GEMIN5: variants seen among roughly 807,000 people sequenced by gnomAD.
GEMIN5 encodes gem nuclear organelle associated protein 5.
GEMIN5 carries 124 observed loss-of-function variants against 176.9 expected under a neutral mutation model. The ratio of observed to expected loss-of-function variants is 0.70; its 90% CI spans 0.61 to 0.81. The LOEUF is 0.81. Ranked by LOEUF, GEMIN5 falls within the 40% of genes least tolerant of loss-of-function variation. The pLI, the probability that GEMIN5 is intolerant of heterozygous loss-of-function variation, is 0.00. For missense variants in GEMIN5, 1,843 were observed against 1,814.6 expected (o/e 1.02, Z -0.28); for synonymous variants, 673 against 665.2 (o/e 1.01, Z -0.18).
chr5:154,895,937 T>C (rs116577037), intron 24 of GEMIN5, among the ~76,000 whole-genome samples, 155 bp downstream of exon 24: 2,792 of 152,296 alleles, frequency 0.018, 63 homozygotes, highest in African/African-American at 0.063. Context: ...GGGCTTTGAT[T>C]AGTCTAAAGG....
intron 7 of GEMIN5, 101 bp downstream of exon 7, chr5:154,927,284 T>C (rs1764060984): frequency 6.1e-6 from 4 of 652,706 alleles, no homozygotes; most frequent in Admixed American, 4.8e-5. Flanking sequence ...GAGTCAGGGG[T>C]GGAGTATTAC....
chr5:154,896,265 A>G lies in GEMIN5; in HGVS notation c.3424T>C (p.Ser1142Pro). 1 of 1,613,444 alleles carries G rather than the reference A, an allele frequency of 6.2e-7. No homozygotes were observed. The highest frequency in any genetic ancestry group is 8.5e-7 in the Non-Finnish European group (1 of 1,179,774). ...EEKQLSEGKS[S>P]SSYHTWNTGT... The stretch of plus-strand genomic sequence containing the variant: ...GTGTTCCAAGTGTGGTAAGAGGAGG[A>G]GCTTTTGCCCTCTGAAAGCTGCTTT... Residue 1142 changes from serine to proline, a missense_variant, in exon 24 of 28, where the codon TCC becomes CCC. Coordinates refer to ENST00000285873, the MANE Select transcript of GEMIN5 (RefSeq NM_015465.5).
chr5:154,913,210 T>C (rs975361430), intron 13 of GEMIN5, among the ~76,000 whole-genome samples, 172 bp from the exon 14 acceptor site: 3 of 152,060 alleles, frequency 2.0e-5, no homozygotes, highest in African/African-American at 7.2e-5. Flanking sequence ...TGGAGTGCAA[T>C]GGCGCAATGC....
At chr5:154,918,082 C>T in intron 11 of GEMIN5, 78 bp from the exon 12 acceptor site, 2 of 881,820 alleles carry the variant, frequency 2.3e-6, no homozygotes, top group Non-Finnish European at 3.7e-6. Context: ...AAAAAAAATC[C>T]CTAGAGTTTA....
chr5:154,936,831 G>A (rs1446356860), intron 2 of GEMIN5, among the ~76,000 whole-genome samples, 194 bp downstream of exon 2: 1 of 152,220 alleles, frequency 6.6e-6, no homozygotes, highest in Non-Finnish European at 1.5e-5. Flanking sequence ...GCACAGAGCA[G>A]TTTGCCAACC....
chr5:154,909,299 C>G (rs921524663), intron 15 of GEMIN5, among the ~76,000 whole-genome samples: 1 of 151,810 alleles, frequency 6.6e-6, no homozygotes, highest in African/African-American at 2.4e-5. Flanking sequence ...CAGGATTTCA[C>G]TCTACATTCT....
intron 21 of GEMIN5, among the ~76,000 whole-genome samples, chr5:154,900,174 G>A (rs963732018): frequency 2.0e-5 from 3 of 152,214 alleles, no homozygotes; most frequent in African/African-American, 4.8e-5. Flanking sequence ...GATGGTGATA[G>A]TAAGGAATGT....
At position 154,935,991 on chromosome 5, in the gene GEMIN5, CGAG is replaced by C. The variant is rs752809559; in HGVS notation, c.356_358del (p.Pro119del). ...CCCAGATACTATTAAGTCCTTTACT[CGAG>C]GAGACCAATGTAATGTTGATATCGT... On this transcript the variant is annotated inframe_deletion, in exon 3 of 28. Transcript: ENST00000285873. The C allele has an allele frequency of 6.2e-7, 1 of 1,610,334 alleles. No individual in the cohort carries two copies. The highest frequency in any genetic ancestry group is 1.1e-5 in the South Asian group (1 of 90,650).
At position 154,902,648 on chromosome 5, in the gene GEMIN5, AG is replaced by A. The variant is rs1432166968; in HGVS notation, c.2756del (p.Pro919LeufsTer27). The A allele has an allele frequency of 2.5e-6, 4 of 1,613,924 alleles. No individual in the cohort carries two copies. The highest frequency in any genetic ancestry group is 3.4e-6 in the Non-Finnish European group (4 of 1,179,900). On this transcript the variant is annotated frameshift_variant, in exon 20 of 28. Coordinates refer to ENST00000285873, the MANE Select transcript of GEMIN5 (RefSeq NM_015465.5). LOFTEE classifies it high-confidence loss of function. Reference protein sequence around the residue: ...EGKGHLENGHPELFHQLMLWK... With the variant: ...EGKGHLENGHXELFHQLMLWK... The stretch of plus-strand genomic sequence containing the variant: ...AAAGCATAAGCTGGTGAAATAACTC[AG>A]GGTGGCCATTTTCTAAGTGACCTTT...
intron 4 of GEMIN5, among the ~76,000 whole-genome samples, chr5:154,931,882 G>A (rs1266223839): frequency 2.6e-5 from 4 of 152,138 alleles, no homozygotes; most frequent in Non-Finnish European, 5.9e-5. Flanking sequence ...GCGTGGTGGC[G>A]CATGCCTGTA....
chr5:154,922,091 T>C (rs1316938510), intron 9 of GEMIN5, among the ~76,000 whole-genome samples: 1 of 152,258 alleles, frequency 6.6e-6, no homozygotes, highest in Non-Finnish European at 1.5e-5. Flanking sequence ...TAGTGATCAA[T>C]CTAGAGAATA....
intron 13 of GEMIN5, 84 bp from the exon 14 acceptor site, chr5:154,913,122 G>T: frequency 1.7e-6 from 2 of 1,160,444 alleles, no homozygotes; most frequent in Non-Finnish European, 2.4e-6. Flanking sequence ...GCATTCACAT[G>T]ACAAGAATCA....
intron 9 of GEMIN5, among the ~76,000 whole-genome samples, chr5:154,922,765 C>T (rs1202667011): frequency 2.2e-5 from 3 of 135,810 alleles, no homozygotes; most frequent in South Asian, 2.6e-4. Context: ...GGCACGATCT[C>T]GGCTCACCGC....
chr5:154,911,687 G>C (rs374610812), intron 15 of GEMIN5, 40 bp downstream of exon 15: 2 of 1,533,380 alleles, frequency 1.3e-6, no homozygotes, highest in African/African-American at 2.7e-5. Flanking sequence ...TATTAAGAAA[G>C]GGAGAAAAAG....
At position 154,902,558 on chromosome 5, in the gene GEMIN5, A is replaced by C; in HGVS notation, c.2847T>G (p.Leu949=). The part of the protein sequence containing the change: ...AAERGELTDN[L]VAMAPAAGYH... ...CCATACCTGCTGGTGCCATAGCCAC[A>C]AGGTTGTCTGTCAGCTCCCCTCTTT... Residue 949 remains leucine (L), a synonymous_variant, in exon 20 of 28, where the codon CTT becomes CTG. Coordinates refer to ENST00000285873, the MANE Select transcript of GEMIN5 (RefSeq NM_015465.5). 1 of 1,614,122 alleles carries C rather than the reference A, an allele frequency of 6.2e-7. No individual in the cohort carries two copies.
chr5:154,912,029 T>C (rs1017179758), intron 14 of GEMIN5, 131 bp from the exon 15 acceptor site: 7 of 800,320 alleles, frequency 8.7e-6, no homozygotes, highest in South Asian at 1.9e-5. Flanking sequence ...TCAGGTGATT[T>C]AGAGTTTTCT....
At chr5:154,936,088 C>T in intron 2 of GEMIN5, 66 bp from the exon 3 acceptor site, 1 of 986,536 alleles carries the variant, frequency 1.0e-6, no homozygotes, top group Non-Finnish European at 1.5e-6. Flanking sequence ...TAACTTGTAT[C>T]ACAAACCAGC....
At chr5:154,906,942 T>C (rs1241661423) in intron 16 of GEMIN5, among the ~76,000 whole-genome samples, 1 of 152,126 alleles carries the variant, frequency 6.6e-6, no homozygotes, top group African/African-American at 2.4e-5. Flanking sequence ...CAGATATTTA[T>C]CACTTGGTCT....
Position 154,891,840 on chromosome 5 carries a change from C to A in GEMIN5, c.3761-98G>T. The A allele has an allele frequency of 4.2e-6, 5 of 1,184,504 alleles. No individual in the cohort carries two copies. In the South Asian group the frequency reaches 7.6e-5, roughly 18 times the overall value. The allele number at this position is 1,184,504 out of a possible 1,614,324, so 73.4% of individuals were successfully genotyped here. ...GTTCTATTTCTTATCAACCAAGAAG[C>A]AGACCCCAGGAAAAAGGACAACAGT... is the stretch of plus-strand genomic sequence containing the variant. On this transcript the variant is annotated intron_variant, in intron 25 of 27. Transcript: ENST00000285873.
Sources: gnomAD v4.1 joint callset for allele counts (sites outside exome capture counted in the v4.1 genomes callset) on GRCh38, gnomAD v4.1.1 for gene constraint, MANE v1.5 for transcripts, NCBI Gene and HGNC (gene_info 2026-07-23, HGNC 2026-07-21) for gene names.